LRP1B: variants seen among roughly 807,000 people sequenced by gnomAD.
The protein encoded by LRP1B is low-density lipoprotein receptor-related protein 1B.
A neutral mutation model predicts 556.6 loss-of-function variants in LRP1B; 217 were observed. The observed-to-expected ratio is 0.39, with a 90% CI of 0.35 to 0.44. LRP1B has a LOEUF of 0.44. Ranked by LOEUF, LRP1B falls within the 20% of genes least tolerant of loss-of-function variation. The pLI, the probability that LRP1B is intolerant of heterozygous loss-of-function variation, is 1.00. For missense variants in LRP1B, 5,053 were observed against 5,620.8 expected (o/e 0.90, Z 3.23); for synonymous variants, 2,047 against 1,865.8 (o/e 1.10, Z -2.50).
At chr2:140,501,972 A>G (rs1440869336) in intron 54 of LRP1B, 98 bp from the exon 55 acceptor site, 2 of 774,366 alleles carry the variant, frequency 2.6e-6, no homozygotes, top group African/African-American at 3.5e-5. Context: ...CTCAGGTGTC[A>G]AAAATCATAA....
intron 2 of LRP1B, among the ~76,000 whole-genome samples, chr2:141,567,732 T>TTCAAA (rs1459178452): frequency 3.4e-5 from 5 of 146,300 alleles, no homozygotes; most frequent in Non-Finnish European, 3.0e-5. Flanking sequence ...TTATTTTACC[T>TTCAAA]GGGAAACTAA....
intron 1 of LRP1B, among the ~76,000 whole-genome samples, chr2:142,063,508 C>A (rs1574646393): frequency 6.6e-6 from 1 of 151,654 alleles, no homozygotes; most frequent in Non-Finnish European, 1.5e-5. Flanking sequence ...CAATCAGCAA[C>A]ATGTCTGCCT....
intron 1 of LRP1B, among the ~76,000 whole-genome samples, chr2:141,980,398 AC>A (rs1702010924): frequency 6.6e-6 from 1 of 152,180 alleles, no homozygotes. Flanking sequence ...CCTATTTTAT[AC>A]AATGATATAA....
At chr2:140,321,209 T>C (rs1004479944) in intron 82 of LRP1B, among the ~76,000 whole-genome samples, 1 of 151,222 alleles carries the variant, frequency 6.6e-6, no homozygotes, top group Admixed American at 6.6e-5. Context: ...ACATATTTTC[T>C]TTCCTTGTGC....
intron 3 of LRP1B, among the ~76,000 whole-genome samples, chr2:141,306,678 C>T (rs866944904): frequency 2.0e-5 from 3 of 151,914 alleles, no homozygotes; most frequent in South Asian, 2.1e-4. Context: ...CTTGCTCTTG[C>T]TTTTCTTTTT....
intron 1 of LRP1B, among the ~76,000 whole-genome samples, chr2:142,007,871 T>A (rs1273249995): frequency 6.6e-6 from 1 of 152,202 alleles, no homozygotes; most frequent in East Asian, 1.9e-4. Flanking sequence ...AAGCCTGATT[T>A]CCGCATCAAG....
chr2:141,206,159 G>T (rs916157612), intron 6 of LRP1B, among the ~76,000 whole-genome samples: 1 of 146,998 alleles, frequency 6.8e-6, no homozygotes, highest in Admixed American at 6.8e-5. Context: ...ACACACACAC[G>T]CACAACCAGG....
At chr2:141,712,938 A>G (rs1322578352) in intron 2 of LRP1B, among the ~76,000 whole-genome samples, 1 of 149,634 alleles carries the variant, frequency 6.7e-6, no homozygotes, top group African/African-American at 2.5e-5. Context: ...TCAGCCTCCC[A>G]AAGATCTGGG....
intron 52 of LRP1B, 82 bp from the exon 53 acceptor site, chr2:140,507,000 A>G: frequency 7.2e-7 from 1 of 1,392,382 alleles, no homozygotes; most frequent in Non-Finnish European, 9.7e-7. Flanking sequence ...GGAATATATA[A>G]AATCATATCC....
chr2:141,127,955 T>A (rs1701257684), intron 7 of LRP1B, among the ~76,000 whole-genome samples: 1 of 152,196 alleles, frequency 6.6e-6, no homozygotes, highest in Non-Finnish European at 1.5e-5. Context: ...ATAAGATATG[T>A]GGTGAAATTA....
At chr2:140,586,276 T>C (rs375656324) in intron 43 of LRP1B, among the ~76,000 whole-genome samples, 69 of 152,302 alleles carry the variant, frequency 4.5e-4, no homozygotes, top group Middle Eastern at 6.8e-3. Flanking sequence ...TTTTGTCTCA[T>C]ATATCTCAGA....
chr2:141,838,907 G>A (rs1404920613), intron 1 of LRP1B, among the ~76,000 whole-genome samples: 1 of 152,004 alleles, frequency 6.6e-6, no homozygotes, highest in East Asian at 1.9e-4. Context: ...ACAGGTTAAG[G>A]TCAAGTTAAG....
rs147564011 is a variant in LRP1B, at chr2:140,309,364, G to T, written c.12805+5571C>A. 4.9e-4 allele frequency among the ~76,000 whole-genome samples: 74 copies of T among 151,846 alleles called. 1 individual carries two copies. In the East Asian group the frequency reaches 0.012, roughly 25 times the overall value. On this transcript the variant is annotated intron_variant, in intron 83 of 90. Coordinates refer to ENST00000389484, the MANE Select transcript of LRP1B (RefSeq NM_018557.3). The stretch of plus-strand genomic sequence containing the variant: ...CTTCTAGAAGGTTTATTTTCAGCCA[G>T]CATTGTGGAAATAAGATTGAAGCAT...
intron 43 of LRP1B, among the ~76,000 whole-genome samples, chr2:140,572,588 A>C (rs1681363757): frequency 6.6e-6 from 1 of 151,762 alleles, no homozygotes. Context: ...AAAATAAAAA[A>C]TAGAGTTACT....
chr2:141,119,534 C>T (rs1307604761), intron 7 of LRP1B, among the ~76,000 whole-genome samples: 8 of 151,732 alleles, frequency 5.3e-5, no homozygotes, highest in Non-Finnish European at 1.2e-4. Context: ...GATTGAATCA[C>T]GTATGCCATT....
intron 3 of LRP1B, among the ~76,000 whole-genome samples, chr2:141,375,132 T>C (rs535679473): frequency 6.6e-6 from 1 of 152,330 alleles, no homozygotes; most frequent in Non-Finnish European, 1.5e-5. Context: ...ATGGCTTCTT[T>C]AGCAATACAC....
rs116042032 is a variant in LRP1B, at chr2:140,755,712, T to C, written c.5758+13501A>G. 7.9e-3 allele frequency among the ~76,000 whole-genome samples: 1,199 copies of C among 152,130 alleles called. 19 individuals are homozygous for C. Among genetic ancestry groups the C allele is most frequent in the African/African-American group, 0.027 (1,127 of 41,560 alleles). On this transcript the variant is annotated intron_variant, in intron 35 of 90. Transcript: ENST00000389484. ...ATATCCACAAAATAAAAAGAGCTAATATCATATAGTTAATGGATAATGACT... is the reference window on the plus strand; with the variant it reads ...ATATCCACAAAATAAAAAGAGCTAACATCATATAGTTAATGGATAATGACT...
intron 23 of LRP1B, among the ~76,000 whole-genome samples, chr2:140,892,026 G>A (rs1389410307): frequency 6.6e-6 from 1 of 152,082 alleles, no homozygotes; most frequent in African/African-American, 2.4e-5. Flanking sequence ...ACTCACTCAG[G>A]TGAGAGGTGG....
chr2:141,389,791 G>A (rs1689978905), intron 3 of LRP1B, among the ~76,000 whole-genome samples: 1 of 152,072 alleles, frequency 6.6e-6, no homozygotes, highest in Non-Finnish European at 1.5e-5. Context: ...CAACAAAAAG[G>A]CAAACATCCC....
Sources: allele counts gnomAD v4.1 joint callset (sites outside exome capture counted in the v4.1 genomes callset), GRCh38; gene constraint gnomAD v4.1.1; transcripts MANE v1.5; gene names NCBI Gene and HGNC (gene_info 2026-07-23, HGNC 2026-07-21).